Variants in USP34 observed in about 807,000 individuals in gnomAD.
USP34 encodes ubiquitin specific peptidase 34.
USP34 carries 70 observed loss-of-function variants against 460.3 expected under a neutral mutation model. The ratio of observed to expected loss-of-function variants is 0.15; its 90% CI spans 0.13 to 0.19. USP34 has a LOEUF of 0.19. USP34 is among the 10% of genes least tolerant of loss of function. The pLI, the probability that USP34 is intolerant of heterozygous loss-of-function variation, is 1.00. For missense variants in USP34, 3,985 were observed against 4,236.2 expected (o/e 0.94, Z 1.65); for synonymous variants, 1,647 against 1,405.3 (o/e 1.17, Z -3.85).
intron 16 of USP34, among the ~76,000 whole-genome samples, chr2:61,341,984 A>G (rs1289563467): frequency 2.0e-5 from 3 of 151,828 alleles, no homozygotes; most frequent in African/African-American, 7.3e-5. Flanking sequence ...GCTGGCCTCG[A>G]GATGCTGACC....
chr2:61,226,862 G>T, intron 62 of USP34: 2 of 548,904 alleles, frequency 3.6e-6, no homozygotes, highest in Non-Finnish European at 5.7e-6. Flanking sequence ...TAAAAGTTTG[G>T]TAGAAAAAAC....
intron 22 of USP34, among the ~76,000 whole-genome samples, chr2:61,318,811 C>T (rs903832020): frequency 1.3e-5 from 2 of 152,112 alleles, no homozygotes; most frequent in Non-Finnish European, 2.9e-5. Context: ...TCACAGAAAA[C>T]AGCTCTCACA....
At chr2:61,454,747 C>G (rs1477414140) in intron 1 of USP34, among the ~76,000 whole-genome samples, 2 of 151,772 alleles carry the variant, frequency 1.3e-5, no homozygotes, top group African/African-American at 4.8e-5. Context: ...ATGGGTTTCA[C>G]CATGTTGACC....
chr2:61,411,962 G>A (rs541717644), intron 2 of USP34, among the ~76,000 whole-genome samples: 8 of 152,234 alleles, frequency 5.3e-5, no homozygotes, highest in Middle Eastern at 3.4e-3. Context: ...GGCTGAGGCG[G>A]GTGGATCACC....
At chr2:61,271,234 G>A (rs1268838346) in intron 41 of USP34, among the ~76,000 whole-genome samples, 1 of 152,158 alleles carries the variant, frequency 6.6e-6, no homozygotes, top group African/African-American at 2.4e-5. Context: ...AACCTGGAAG[G>A]CAGAGGTTGC....
intron 1 of USP34, among the ~76,000 whole-genome samples, chr2:61,435,160 C>G (rs1448380583): frequency 2.0e-5 from 3 of 151,708 alleles, no homozygotes; most frequent in Non-Finnish European, 4.4e-5. Context: ...TAAAAATTAG[C>G]TGGACATGGT....
chr2:61,259,588 G>T, intron 44 of USP34, 123 bp downstream of exon 44: 1 of 703,228 alleles, frequency 1.4e-6, no homozygotes, highest in Non-Finnish European at 2.3e-6. Flanking sequence ...GTTTCACCAT[G>T]TTGCCCAGGC....
intron 10 of USP34, among the ~76,000 whole-genome samples, chr2:61,359,569 C>T (rs1242113774): frequency 6.6e-6 from 1 of 151,930 alleles, no homozygotes; most frequent in Non-Finnish European, 1.5e-5. Flanking sequence ...AAATAGTCAA[C>T]AACAACAAAG....
intron 1 of USP34, among the ~76,000 whole-genome samples, chr2:61,424,879 G>A (rs939883231): frequency 6.6e-6 from 1 of 152,176 alleles, no homozygotes; most frequent in African/African-American, 2.4e-5. Flanking sequence ...CGCCAGGGTA[G>A]AGTGCAATGG....
intron 1 of USP34, among the ~76,000 whole-genome samples, chr2:61,428,688 A>G (rs576457365): frequency 9.0e-4 from 137 of 152,360 alleles, no homozygotes; most frequent in African/African-American, 3.2e-3. Flanking sequence ...CGTATGCACT[A>G]AGCAAGCCAC....
At chr2:61,303,028 A>T (rs2103647014) in intron 27 of USP34, among the ~76,000 whole-genome samples, 1 of 152,288 alleles carries the variant, frequency 6.6e-6, no homozygotes, top group East Asian at 1.9e-4. Flanking sequence ...GCTTATCTCC[A>T]AAAGTTTTAT....
At chr2:61,449,858 G>A (rs963867409) in intron 1 of USP34, among the ~76,000 whole-genome samples, 1 of 152,136 alleles carries the variant, frequency 6.6e-6, no homozygotes, top group Non-Finnish European at 1.5e-5. Flanking sequence ...ACGAAGTCAG[G>A]AGTGCGAGAC....
intron 3 of USP34, among the ~76,000 whole-genome samples, chr2:61,400,266 C>G (rs576304036): frequency 6.6e-6 from 1 of 152,090 alleles, no homozygotes; most frequent in Non-Finnish European, 1.5e-5. Context: ...CCCGCCACCA[C>G]GCTTGGCTAA....
At chr2:61,330,610 T>TA (rs1362998938) in intron 20 of USP34, among the ~76,000 whole-genome samples, 1 of 152,182 alleles carries the variant, frequency 6.6e-6, no homozygotes, top group Non-Finnish European at 1.5e-5. Flanking sequence ...AATATGCCAG[T>TA]AGTGGCATTG....
intron 8 of USP34, among the ~76,000 whole-genome samples, chr2:61,377,382 TCTA>T (rs1433597856): frequency 6.6e-6 from 1 of 152,158 alleles, no homozygotes; most frequent in African/African-American, 2.4e-5. Context: ...AAAACTGATT[TCTA>T]TACTAGATGA....
intron 10 of USP34, among the ~76,000 whole-genome samples, chr2:61,363,955 T>A (rs1358218828): frequency 1.3e-5 from 2 of 152,222 alleles, no homozygotes; most frequent in African/African-American, 4.8e-5. Flanking sequence ...AACAACTTTG[T>A]ACCTATAAAA....
Position 61,325,364 on chromosome 2 carries a change from A to G in USP34, c.3013+11T>C. 6.5e-7 allele frequency: 1 copy of G among 1,532,164 alleles called. No homozygotes were observed. Among genetic ancestry groups the G allele is most frequent in the Non-Finnish European group, 8.8e-7 (1 of 1,142,830 alleles). 94.9% of individuals were successfully genotyped at this position (1,532,164 alleles called of 1,614,324 possible). On this transcript the variant is annotated intron_variant, in intron 21 of 79. Transcript: ENST00000398571. The stretch of plus-strand genomic sequence containing the variant: ...AACAGATTTTTAAAAAGTACTGATT[A>G]AAAAACTTACTGAAATGATCAGGTG...
intron 5 of USP34, among the ~76,000 whole-genome samples, chr2:61,391,081 G>A (rs998729451): frequency 2.0e-5 from 3 of 151,272 alleles, no homozygotes; most frequent in Non-Finnish European, 2.9e-5. Context: ...GTGACAGAGC[G>A]AGACTCCAGC....
chr2:61,456,225 T>C (rs1345973117), intron 1 of USP34, among the ~76,000 whole-genome samples: 2 of 152,214 alleles, frequency 1.3e-5, no homozygotes, highest in Non-Finnish European at 2.9e-5. Flanking sequence ...TTCACCTCTT[T>C]CATGGTAACA....
Sources: allele counts gnomAD v4.1 joint callset (sites outside exome capture counted in the v4.1 genomes callset), GRCh38; gene constraint gnomAD v4.1.1; transcripts MANE v1.5; gene names NCBI Gene and HGNC (gene_info 2026-07-23, HGNC 2026-07-21).